RNF17: variants seen among roughly 807,000 people sequenced by gnomAD.
The protein encoded by RNF17 is ring finger protein 17.
A neutral mutation model predicts 200.5 loss-of-function variants in RNF17; 31 were observed. The observed-to-expected ratio is 0.15, with a 90% CI of 0.12 to 0.21. The LOEUF (loss-of-function observed/expected upper bound fraction) is 0.21, where lower values mean the gene tolerates loss of function less well. RNF17 is among the 10% of genes least tolerant of loss of function. RNF17 has a pLI of 1.00. For synonymous variants in RNF17, 606 were observed against 637.8 expected, an observed-to-expected ratio of 0.95 and a Z score of 0.75; for missense variants, 1,628 against 1,905.1, an observed-to-expected ratio of 0.85 and a Z score of 2.71.
At chr13:24,836,751 C>T (rs9553454) in intron 18 of RNF17, among the ~76,000 whole-genome samples, 26,697 of 152,034 alleles carry the variant, frequency 0.18, 2,506 homozygotes, top group South Asian at 0.32. Flanking sequence ...TACATCAAAA[C>T]AGAATCTCTT....
downstream of RNF17, among the ~76,000 whole-genome samples, chr13:24,880,596 T>C (rs1953787765): frequency 6.6e-6 from 1 of 152,258 alleles, no homozygotes. Flanking sequence ...TGTATAACTC[T>C]ATTCACTTTT....
At position 24,825,608 on chromosome 13, in the gene RNF17, T is replaced by C; in HGVS notation, c.2092-11T>C. On this transcript the variant is annotated splice_polypyrimidine_tract_variant and intron_variant, in intron 15 of 35. Coordinates refer to ENST00000255324, the MANE Select transcript of RNF17 (RefSeq NM_031277.3). ...TGTGAAATGACAGTGCTTTATCCCT[T>C]TATTTACTAGATAGAGGGCCTGGAT... The C allele has an allele frequency of 1.3e-6, 2 of 1,551,902 alleles. No individual in the cohort carries two copies. Among genetic ancestry groups the C allele is most frequent in the Non-Finnish European group, 8.9e-7 (1 of 1,127,638 alleles).
At chr13:24,854,350 T>A (rs1429009042) in intron 25 of RNF17, among the ~76,000 whole-genome samples, 2 of 152,226 alleles carry the variant, frequency 1.3e-5, no homozygotes, top group East Asian at 1.9e-4. Flanking sequence ...ATAGCAGTGT[T>A]ATATAATTAT....
intron 32 of RNF17, among the ~76,000 whole-genome samples, chr13:24,871,656 T>C (rs978384661): frequency 5.0e-5 from 7 of 140,560 alleles, no homozygotes; most frequent in African/African-American, 1.9e-4. Flanking sequence ...TTTTTGGAGA[T>C]GAGTCTTGCT....
chr13:24,804,427 T>A lies in RNF17; in HGVS notation c.2089T>A (p.Leu697Met), dbSNP rs370083929. ...TAGTCCTGGAGATTTCTATCTTCAGTTGGTAAGTATATAATGTGTTTTTGA... is the reference window on the plus strand; with the variant it reads ...TAGTCCTGGAGATTTCTATCTTCAGATGGTAAGTATATAATGTGTTTTTGA... ...INSPGDFYLQ[L>M]IEGLDILFLL... is the part of the protein sequence containing the mutation. The change falls in exon 15 of 36, where the codon TTG becomes ATG. Residue 697 changes from leucine (L) to methionine (M), a missense_variant and splice_region_variant. Coordinates refer to ENST00000255324, the MANE Select transcript of RNF17 (RefSeq NM_031277.3). 5.0e-5 allele frequency: 81 copies of A among 1,606,248 alleles called. No individual in the cohort carries two copies. The African/African-American group carries it at 1.0e-3, about 20-fold the overall frequency.
chr13:24,843,564 A>G (rs1269021804), intron 19 of RNF17, among the ~76,000 whole-genome samples, 180 bp from the exon 20 acceptor site: 1 of 152,146 alleles, frequency 6.6e-6, no homozygotes, highest in Non-Finnish European at 1.5e-5. Flanking sequence ...TTCTTTTTAA[A>G]GTGAGGGTTA....
At position 24,873,026 on chromosome 13, in the gene RNF17, A is replaced by G. The variant is rs527276701; in HGVS notation, c.4448-1088A>G. 4.6e-5 allele frequency among the ~76,000 whole-genome samples: 7 copies of G among 152,320 alleles called. No individual in the cohort carries two copies. In the South Asian group the frequency reaches 1.2e-3, roughly 27 times the overall value. ...TAAGGACTTGATATTACAGGCAGTT[A>G]AGGTGTACCATTAAAGAATTTTAAA... is the stretch of plus-strand genomic sequence containing the variant. On this transcript the variant is annotated intron_variant, in intron 32 of 35. Coordinates refer to ENST00000255324, the MANE Select transcript of RNF17 (RefSeq NM_031277.3).
downstream of RNF17, among the ~76,000 whole-genome samples, chr13:24,881,189 C>G (rs1953805350): frequency 6.6e-6 from 1 of 151,724 alleles, no homozygotes; most frequent in Non-Finnish European, 1.5e-5. Context: ...GAGTCCCACT[C>G]AGGCTGGAGT....
intron 10 of RNF17, among the ~76,000 whole-genome samples, chr13:24,795,297 T>G (rs1884424610): frequency 6.6e-6 from 1 of 152,010 alleles, no homozygotes; most frequent in Non-Finnish European, 1.5e-5. Flanking sequence ...CCCCATCCTA[T>G]TCCCATTCTA....
At position 24,789,349 on chromosome 13, in the gene RNF17, T is replaced by C. The variant is rs1566135460; in HGVS notation, c.785T>C (p.Ile262Thr). The change falls in exon 8 of 36, where the codon ATT (isoleucine) becomes ACT (threonine). Residue 262 changes from isoleucine to threonine, a missense_variant and splice_region_variant. This residue lies in a region of RNF17 where 502 missense variants were observed against 501.7 expected (regional missense o/e 1.00). Coordinates refer to ENST00000255324, the MANE Select transcript of RNF17 (RefSeq NM_031277.3). ...SLRTYCDLNQ[I>T]IRTLQLTSDS... Reference sequence around the variant, plus strand: ...AATGATTTTTTTTTTAAATTCTAGATTATCCGGACTTTGCAGTTAACTTCA... The same window carrying C: ...AATGATTTTTTTTTTAAATTCTAGACTATCCGGACTTTGCAGTTAACTTCA... 1 of 1,588,228 alleles carries C rather than the reference T, an allele frequency of 6.3e-7. No homozygotes were observed. The highest frequency in any genetic ancestry group is 2.2e-5 in the East Asian group (1 of 44,452).
Position 24,875,549 on chromosome 13 carries a change from C to T in RNF17, c.4583+1300C>T, listed in dbSNP as rs140351991. ...TGACTGAAAGAGCTGAGCAAACTCT[C>T]CACTCAATGGGTGCCAAACCTGTTG... is the stretch of plus-strand genomic sequence containing the variant. On this transcript the variant is annotated intron_variant, in intron 33 of 35. Coordinates refer to ENST00000255324, the MANE Select transcript of RNF17 (RefSeq NM_031277.3). Among the ~76,000 whole-genome samples the T allele has an allele frequency of 2.7e-3, 404 of 152,264 alleles. 2 individuals are homozygous for T. The highest frequency in any genetic ancestry group is 9.1e-3 in the African/African-American group (379 of 41,556).
downstream of RNF17, among the ~76,000 whole-genome samples, chr13:24,881,808 ATATC>A (rs1199397792): frequency 2.5e-5 from 3 of 121,168 alleles, 1 homozygote; most frequent in Middle Eastern, 4.2e-3. Context: ...ATATATCTAG[ATATC>A]TATCTATATA....
At chr13:24,873,083 C>G (rs1240984040) in intron 32 of RNF17, among the ~76,000 whole-genome samples, 1 of 152,068 alleles carries the variant, frequency 6.6e-6, no homozygotes, top group East Asian at 1.9e-4. Context: ...TTTAAAAATT[C>G]AATTCTGGTA....
intron 34 of RNF17, 41 bp downstream of exon 34, chr13:24,877,227 C>T: frequency 2.6e-6 from 4 of 1,522,848 alleles, no homozygotes; most frequent in Non-Finnish European, 3.6e-6. Context: ...AAAGCTATTT[C>T]TGTGTCGATA....
chr13:24,883,012 G>A, downstream of RNF17: 1 of 638,314 alleles, frequency 1.6e-6, no homozygotes, highest in Non-Finnish European at 2.8e-6. Flanking sequence ...AGCTATCATT[G>A]CATTTCAAAG....
chr13:24,836,129 G>T (rs187949871), intron 18 of RNF17, among the ~76,000 whole-genome samples: 14 of 152,156 alleles, frequency 9.2e-5, no homozygotes, highest in Non-Finnish European at 1.5e-5. Context: ...TATGAACAAA[G>T]CCTCCAAGAA....
intron 22 of RNF17, among the ~76,000 whole-genome samples, chr13:24,846,603 G>A (rs1395001991): frequency 1.3e-5 from 2 of 152,126 alleles, no homozygotes; most frequent in African/African-American, 4.8e-5. Flanking sequence ...CTAGACCAGG[G>A]TATCCAAACT....
In RNF17 at chr13:24,775,659, T is replaced by C. The variant is rs569089036; in HGVS notation, c.317+755T>C. ...AAAAATAATACCTTTGGGGTTCTTTTATTCATTTTTCCATTGTTGTATAAG... is the reference window on the plus strand; with the variant it reads ...AAAAATAATACCTTTGGGGTTCTTTCATTCATTTTTCCATTGTTGTATAAG... On this transcript the variant is annotated intron_variant, in intron 3 of 35. Coordinates refer to ENST00000255324, the MANE Select transcript of RNF17 (RefSeq NM_031277.3). 4.6e-5 allele frequency among the ~76,000 whole-genome samples: 7 copies of C among 152,352 alleles called. No individual in the cohort carries two copies. In the South Asian group the frequency reaches 1.2e-3, roughly 27 times the overall value.
In RNF17 at chr13:24,831,782, CACTT is replaced by C. The variant is rs1279386083; in HGVS notation, c.2362-74_2362-71del. 17 of 1,265,968 alleles carry C rather than the reference CACTT, an allele frequency of 1.3e-5. No homozygotes were observed. The African/African-American group carries it at 2.0e-4, about 15-fold the overall frequency. 78.4% of individuals were successfully genotyped at this position (1,265,968 alleles called of 1,614,324 possible). Reference sequence around the variant, plus strand: ...CAAACATAAAGATTAGTTTTGTACACACTTAATAAAACTTGAATTCTAAAGTAGG... The same window carrying C: ...CAAACATAAAGATTAGTTTTGTACACAATAAAACTTGAATTCTAAAGTAGG... On this transcript the variant is annotated intron_variant, in intron 17 of 35. Transcript: ENST00000255324.
Sources: allele counts gnomAD v4.1 joint callset (sites outside exome capture counted in the v4.1 genomes callset), GRCh38; gene constraint gnomAD v4.1.1; regional missense constraint gnomAD v4.1.1; transcripts MANE v1.5; gene names NCBI Gene and HGNC (gene_info 2026-07-23, HGNC 2026-07-21).